The following CALN1 variants were observed in gnomAD, a reference collection of about 807,000 sequenced individuals.
CALN1 encodes calneuron 1.
In CALN1, 17 loss-of-function variants were observed where a neutral mutation model predicts 30.6. The observed-to-expected ratio is 0.56, with a 90% CI of 0.38 to 0.83. The LOEUF (loss-of-function observed/expected upper bound fraction) is 0.83. CALN1 is among the 40% of genes least tolerant of loss of function. The pLI is 0.00. For synonymous variants in CALN1, 156 were observed against 131.4 expected (o/e 1.19, Z -1.28); for missense variants, 291 against 354.9 (o/e 0.82, Z 1.45).
intron 5 of CALN1, among the ~76,000 whole-genome samples, chr7:71,882,393 C>T (rs373733657): frequency 7.9e-5 from 12 of 152,304 alleles, no homozygotes; most frequent in South Asian, 2.1e-4. Flanking sequence ...TTAATCACAT[C>T]GGCAAATTTC....
At chr7:72,410,826 A>C (rs551059562) in intron 1 of CALN1, among the ~76,000 whole-genome samples, 2 of 152,336 alleles carry the variant, frequency 1.3e-5, no homozygotes, top group South Asian at 2.1e-4. Context: ...TCCAAGAAGC[A>C]CTAGAAACTT....
chr7:72,503,814 G>T, the CALN1 span, among the ~76,000 whole-genome samples: 9 of 142,462 alleles, frequency 6.3e-5, no homozygotes, highest in South Asian at 2.3e-4. Context: ...ATCTCTGAGG[G>T]CACTCTGGCC....
At chr7:72,347,541 CA>C (rs369215130) in intron 2 of CALN1, among the ~76,000 whole-genome samples, 1 of 152,096 alleles carries the variant, frequency 6.6e-6, no homozygotes, top group African/African-American at 2.4e-5. Context: ...GCTGGGGTTA[CA>C]GGGGTGAGCC....
Position 71,978,262 on chromosome 7 carries a change from C to CTATTTTT in CALN1, c.501+45394_501+45395insAAAAATA, listed in dbSNP as rs1173448154. 1.7e-3 allele frequency among the ~76,000 whole-genome samples: 124 copies of CTATTTTT among 72,924 alleles called. 3 individuals are homozygous for CTATTTTT. The highest frequency in any genetic ancestry group is 2.4e-3 in the Non-Finnish European group (92 of 38,802). The allele number at this position is 72,924 out of a possible 152,430, so 47.8% of individuals were successfully genotyped here. ...AAAAACTCAGGGACTCTAGAGAATT[C>CTATTTTT]TTTTTTTTTTTTTTTTTTTTTTTTT... On this transcript the variant is annotated intron_variant, in intron 5 of 6. Coordinates refer to ENST00000395275, the MANE Select transcript of CALN1 (RefSeq NM_031468.4).
intron 3 of CALN1, among the ~76,000 whole-genome samples, chr7:72,221,398 A>C (rs1238794766): frequency 6.8e-6 from 1 of 147,270 alleles, no homozygotes; most frequent in African/African-American, 2.5e-5. Context: ...GCTCACTGCA[A>C]GCTCCGCCTC....
intron 3 of CALN1, among the ~76,000 whole-genome samples, chr7:72,174,169 G>A (rs1789172526): frequency 6.6e-6 from 1 of 152,040 alleles, no homozygotes. Context: ...TTAGGAAAAG[G>A]CAAATAGAAA....
At chr7:72,192,069 G>A (rs1361590814) in intron 3 of CALN1, among the ~76,000 whole-genome samples, 3 of 152,070 alleles carry the variant, frequency 2.0e-5, no homozygotes, top group Admixed American at 1.3e-4. Flanking sequence ...CCCTTCCTCC[G>A]CATTCAAAGC....
At chr7:71,947,510 A>G (rs1316749276) in intron 5 of CALN1, among the ~76,000 whole-genome samples, 1 of 152,188 alleles carries the variant, frequency 6.6e-6, no homozygotes, top group Non-Finnish European at 1.5e-5. Context: ...TTCCTATGCT[A>G]TGGTATGTCT....
In CALN1 at chr7:72,322,201, AG is replaced by A. The variant is rs1254395999; in HGVS notation, c.120-43392del. Among the ~76,000 whole-genome samples, 7 of 152,312 alleles carry A rather than the reference AG, an allele frequency of 4.6e-5. No homozygotes were observed. In the East Asian group the frequency reaches 1.2e-3, roughly 25 times the overall value. On this transcript the variant is annotated intron_variant, in intron 2 of 6. Transcript: ENST00000395275. ...TGCTGGGAGATAGTGACAGATCATCAGGCATTAGACTCTCATAAGGAGGTTG... is the reference window on the plus strand; with the variant it reads ...TGCTGGGAGATAGTGACAGATCATCAGCATTAGACTCTCATAAGGAGGTTG...
intron 2 of CALN1, chr7:72,337,342 C>A (rs1303983017): frequency 2.1e-6 from 2 of 965,986 alleles, no homozygotes; most frequent in Non-Finnish European, 2.5e-6. Flanking sequence ...CCCCCAACCT[C>A]CGCCTCTCCA....
intron 2 of CALN1, among the ~76,000 whole-genome samples, chr7:72,323,983 G>A (rs76087980): frequency 0.1 from 15,801 of 151,774 alleles, 1,013 homozygotes; most frequent in East Asian, 0.23. Context: ...GGTTGAGGCT[G>A]TGCCACTGCA....
At chr7:72,308,532 T>A (rs1291220192) in intron 2 of CALN1, among the ~76,000 whole-genome samples, 1 of 152,166 alleles carries the variant, frequency 6.6e-6, no homozygotes, top group Admixed American at 6.5e-5. Flanking sequence ...GTTTGCTGAA[T>A]GCACGAATGA....
chr7:71,894,019 G>A (rs369980740), intron 5 of CALN1, among the ~76,000 whole-genome samples: 21 of 151,914 alleles, frequency 1.4e-4, no homozygotes, highest in African/African-American at 4.4e-4. Flanking sequence ...GGCAAGACTC[G>A]TTTTTTATAT....
intron 2 of CALN1, among the ~76,000 whole-genome samples, chr7:72,349,398 T>C (rs1158624048): frequency 2.6e-5 from 4 of 151,898 alleles, no homozygotes; most frequent in African/African-American, 9.7e-5. Flanking sequence ...AGCCTAAATA[T>C]ACAGCTCCAC....
intron 2 of CALN1, among the ~76,000 whole-genome samples, chr7:72,307,589 A>T (rs527492737): frequency 7.2e-4 from 110 of 152,340 alleles, no homozygotes; most frequent in Admixed American, 2.0e-3. Context: ...ATATGATATT[A>T]TCTGGGCAAT....
intron 2 of CALN1, among the ~76,000 whole-genome samples, chr7:72,392,168 C>A (rs1805618523): frequency 6.6e-6 from 1 of 152,136 alleles, no homozygotes; most frequent in Admixed American, 6.5e-5. Flanking sequence ...CCCAGCTGAG[C>A]TAGTCCTTCA....
intron 5 of CALN1, among the ~76,000 whole-genome samples, chr7:71,836,714 T>C (rs1161213408): frequency 6.7e-6 from 1 of 150,246 alleles, no homozygotes; most frequent in African/African-American, 2.4e-5. Flanking sequence ...GCCTTCCAGG[T>C]TCAAGCAATT....
At chr7:72,419,615 A>C (rs939566539) in intron 1 of CALN1, among the ~76,000 whole-genome samples, 3 of 152,092 alleles carry the variant, frequency 2.0e-5, no homozygotes, top group African/African-American at 7.2e-5. Flanking sequence ...TCAAGCTTGG[A>C]GCCTCGGCCC....
chr7:72,252,581 C>G (rs1379829527), intron 3 of CALN1, among the ~76,000 whole-genome samples: 1 of 149,042 alleles, frequency 6.7e-6, no homozygotes, highest in Non-Finnish European at 1.5e-5. Flanking sequence ...TGCACTCCAG[C>G]CTGAATGACA....
Sources: allele counts gnomAD v4.1 joint callset (sites outside exome capture counted in the v4.1 genomes callset), GRCh38; gene constraint gnomAD v4.1.1; transcripts MANE v1.5; gene names NCBI Gene and HGNC (gene_info 2026-07-23, HGNC 2026-07-21).